SNX16: variants seen among roughly 807,000 people sequenced by gnomAD.
SNX16 encodes sorting nexin 16.
SNX16 carries 35 observed loss-of-function variants against 36.7 expected under a neutral mutation model. The observed-to-expected ratio is 0.95, with a 90% CI of 0.73 to 1.27. The LOEUF (loss-of-function observed/expected upper bound fraction) is 1.27, where lower values mean the gene tolerates loss of function less well. Among genes scored for constraint, SNX16 ranks in the 50% most tolerant of loss-of-function variants. The pLI is 0.00. For missense variants in SNX16, 367 were observed against 393.6 expected (o/e 0.93, Z 0.57); for synonymous variants, 134 against 132.0 (o/e 1.02, Z -0.10).
intron 3 of SNX16, among the ~76,000 whole-genome samples, chr8:81,827,234 C>G (rs1283373082): frequency 6.6e-6 from 1 of 151,948 alleles, no homozygotes; most frequent in Non-Finnish European, 1.5e-5. Flanking sequence ...TAAGAAAATA[C>G]TTCAGCAATA....
Position 81,823,921 on chromosome 8 carries a change from C to T in SNX16, c.482G>A (p.Gly161Asp). 6.2e-7 allele frequency: 1 copy of T among 1,609,698 alleles called. No individual in the cohort carries two copies. The highest frequency in any genetic ancestry group is 1.1e-5 in the South Asian group (1 of 90,070). Reference sequence around the variant, plus strand: ...TTTTGGAGGAAGTGCTAGTCGAAAACCTGGAAACATCTCTTTTAACTGAAA... The same window carrying T: ...TTTTGGAGGAAGTGCTAGTCGAAAATCTGGAAACATCTCTTTTAACTGAAA... ...LNDKLKEMFP[G>D]FRLALPPKRW... The change falls in exon 4 of 8, where the codon GGT becomes GAT. Residue 161 changes from glycine (G) to aspartate (D), a missense_variant. Coordinates refer to ENST00000345957, the MANE Select transcript of SNX16 (RefSeq NM_152836.3).
intron 5 of SNX16, among the ~76,000 whole-genome samples, chr8:81,805,674 C>T (rs1228853483): frequency 6.6e-6 from 1 of 152,186 alleles, no homozygotes; most frequent in Non-Finnish European, 1.5e-5. Flanking sequence ...AATCCCAGCA[C>T]TTTGGGAGGC....
chr8:81,805,694 C>T (rs1053572544), intron 5 of SNX16, among the ~76,000 whole-genome samples: 8 of 151,978 alleles, frequency 5.3e-5, no homozygotes, highest in African/African-American at 1.9e-4. Flanking sequence ...CTGAGGCGGG[C>T]AGATCACGAG....
At chr8:81,822,874 A>C (rs1027132364) in intron 4 of SNX16, among the ~76,000 whole-genome samples, 1 of 150,368 alleles carries the variant, frequency 6.7e-6, no homozygotes. Flanking sequence ...GGATGGGCAG[A>C]GACCTTGAGA....
At chr8:81,808,422 T>C (rs577063022) in intron 5 of SNX16, 85 of 1,194,592 alleles carry the variant, frequency 7.1e-5, no homozygotes, top group Middle Eastern at 2.7e-4. Flanking sequence ...CAACTTTGGT[T>C]GTGGAGGAAA....
In SNX16 at chr8:81,827,438, T is replaced by A. The variant is rs558831209; in HGVS notation, c.462+1992A>T. Among the ~76,000 whole-genome samples the A allele has an allele frequency of 1.1e-4, 16 of 152,246 alleles. No homozygotes were observed. The South Asian group carries it at 3.1e-3, about 30-fold the overall frequency. On this transcript the variant is annotated intron_variant, in intron 3 of 7. Transcript: ENST00000345957. Reference sequence around the variant, plus strand: ...TCCACTTAACTATCAGGTAACTTCATGAATTGCTTTTATCTTTCGGCTTGT... The same window carrying A: ...TCCACTTAACTATCAGGTAACTTCAAGAATTGCTTTTATCTTTCGGCTTGT...
At chr8:81,809,947 A>T (rs1259517445) in intron 5 of SNX16, among the ~76,000 whole-genome samples, 2 of 152,204 alleles carry the variant, frequency 1.3e-5, no homozygotes, top group East Asian at 3.8e-4. Flanking sequence ...TTGGAAGGCT[A>T]TATTGATATA....
chr8:81,838,435 T>C (rs538025672), intron 2 of SNX16, among the ~76,000 whole-genome samples: 1 of 152,048 alleles, frequency 6.6e-6, no homozygotes, highest in South Asian at 2.1e-4. Flanking sequence ...AGTGTGAAAT[T>C]AGTAAAGGAT....
chr8:81,826,601 G>A (rs1004568964), intron 3 of SNX16, among the ~76,000 whole-genome samples: 1 of 152,090 alleles, frequency 6.6e-6, no homozygotes, highest in African/African-American at 2.4e-5. Flanking sequence ...TAAGCCCTGT[G>A]CATTCCAGAA....
At position 81,829,504 on chromosome 8, in the gene SNX16, G is replaced by T; in HGVS notation, c.388C>A (p.Leu130Ile). 7.2e-7 allele frequency: 1 copy of T among 1,382,630 alleles called. No homozygotes were observed. The highest frequency in any genetic ancestry group is 9.5e-7 in the Non-Finnish European group (1 of 1,049,100). 85.6% of individuals were successfully genotyped at this position (1,382,630 alleles called of 1,614,324 possible). Reference protein sequence around the residue: ...ERAKFTVYKILVKKTPEESWV... With the variant: ...ERAKFTVYKIIVKKTPEESWV... The stretch of plus-strand genomic sequence containing the variant: ...CTTTCTTCTGGGGTTTTCTTTACTA[G>T]TATTTTATATACCTATGCACAGGAA... Residue 130 changes from leucine to isoleucine, a missense_variant, in exon 3 of 8, where the codon CTA becomes ATA. Transcript: ENST00000345957.
rs561525025 is a variant in SNX16, at chr8:81,808,841, C to G, written c.682-5613G>C. 172 of 693,904 alleles carry G rather than the reference C, an allele frequency of 2.5e-4. No individual in the cohort carries two copies. In the African/African-American group the frequency reaches 2.7e-3, roughly 11 times the overall value. The allele number at this position is 693,904 out of a possible 1,614,324, so 43.0% of individuals were successfully genotyped here. ...CAAGCACAGTGGTGGCAGGGCCTAG[C>G]TGCTACAAAGAAGACATGTTTTAGA... On this transcript the variant is annotated intron_variant, in intron 5 of 7. Coordinates refer to ENST00000345957, the MANE Select transcript of SNX16 (RefSeq NM_152836.3).
intron 2 of SNX16, among the ~76,000 whole-genome samples, chr8:81,830,766 T>C (rs1811229830): frequency 6.6e-6 from 1 of 151,792 alleles, no homozygotes; most frequent in South Asian, 2.1e-4. Flanking sequence ...AAAAAACTAC[T>C]CTAAAATCCA....
At chr8:81,829,795 G>A (rs1299283509) in intron 2 of SNX16, among the ~76,000 whole-genome samples, 2 of 152,040 alleles carry the variant, frequency 1.3e-5, no homozygotes, top group African/African-American at 4.8e-5. Context: ...CATGATTTAT[G>A]TCAATATATT....
chr8:81,823,976 C>T, intron 3 of SNX16, 36 bp from the exon 4 acceptor site: 2 of 1,575,334 alleles, frequency 1.3e-6, no homozygotes, highest in Non-Finnish European at 1.7e-6. Flanking sequence ...CAATGTTTAA[C>T]TCAAGCACTA....
intron 5 of SNX16, among the ~76,000 whole-genome samples, chr8:81,813,739 C>A (rs138478655): frequency 0.011 from 1,658 of 151,572 alleles, 9 homozygotes; most frequent in Non-Finnish European, 0.018. Flanking sequence ...GATAAACAGC[C>A]CAGGTTTTTT....
chr8:81,812,534 A>C (rs984736943), intron 5 of SNX16, among the ~76,000 whole-genome samples: 2 of 152,066 alleles, frequency 1.3e-5, no homozygotes, highest in African/African-American at 4.8e-5. Context: ...GAGTGCTGGA[A>C]GAAAAAAATC....
At chr8:81,806,668 A>C (rs1809963604) in intron 5 of SNX16, among the ~76,000 whole-genome samples, 1 of 152,184 alleles carries the variant, frequency 6.6e-6, no homozygotes, top group African/African-American at 2.4e-5. Flanking sequence ...CCTCCAAAGA[A>C]TCTATCTAGC....
intron 5 of SNX16, among the ~76,000 whole-genome samples, chr8:81,810,070 T>C (rs1810163969): frequency 6.6e-6 from 1 of 152,178 alleles, no homozygotes; most frequent in Admixed American, 6.5e-5. Context: ...AGAGAATAGA[T>C]GGCTTAAGAA....
chr8:81,817,820 G>C (rs1221873875), intron 4 of SNX16, among the ~76,000 whole-genome samples: 1 of 152,104 alleles, frequency 6.6e-6, no homozygotes, highest in Non-Finnish European at 1.5e-5. Context: ...ACCCTTGCTT[G>C]AGAATCACTG....
Sources: allele counts gnomAD v4.1 joint callset (sites outside exome capture counted in the v4.1 genomes callset), GRCh38; gene constraint gnomAD v4.1.1; transcripts MANE v1.5; gene names NCBI Gene and HGNC (gene_info 2026-07-23, HGNC 2026-07-21).